The following PPP1R9A variants were observed in gnomAD, a reference collection of about 807,000 sequenced individuals.
PPP1R9A encodes the protein protein phosphatase 1 regulatory subunit 9A.
Under a neutral mutation model 141.9 loss-of-function variants are expected in PPP1R9A, and 59 were observed. The ratio of observed to expected loss-of-function variants is 0.42; its 90% CI spans 0.34 to 0.52. PPP1R9A has a LOEUF of 0.52. Ranked by LOEUF, PPP1R9A falls within the 20% of genes least tolerant of loss-of-function variation. PPP1R9A has a pLI of 0.10. For missense variants in PPP1R9A, 1,444 were observed against 1,611.9 expected, an observed-to-expected ratio of 0.90 and a Z score of 1.78; for synonymous variants, 500 against 569.7, an observed-to-expected ratio of 0.88 and a Z score of 1.74.
chr7:94,966,125 C>T (rs962722455), intron 2 of PPP1R9A, among the ~76,000 whole-genome samples: 1 of 151,236 alleles, frequency 6.6e-6, no homozygotes, highest in Non-Finnish European at 1.5e-5. Context: ...CTGTTTGTCT[C>T]TTATTGGTGT....
intron 2 of PPP1R9A, among the ~76,000 whole-genome samples, chr7:95,048,556 G>A (rs1394352468): frequency 6.6e-6 from 1 of 150,960 alleles, no homozygotes; most frequent in Non-Finnish European, 1.5e-5. Flanking sequence ...TGTTGTTGTT[G>A]TTTTGAGACA....
In PPP1R9A at chr7:95,020,041, TATCATC is replaced by T. The variant is rs71125098; in HGVS notation, c.1396-91194_1396-91189del. Among the ~76,000 whole-genome samples, 313 of 150,856 alleles carry T rather than the reference TATCATC, an allele frequency of 2.1e-3. 2 individuals are homozygous for T. The highest frequency in any genetic ancestry group is 6.9e-3 in the African/African-American group (282 of 41,120). On this transcript the variant is annotated intron_variant, in intron 2 of 19. Transcript: ENST00000433360. ...CAAAAGGAACAAATGGCTATATCAT[TATCATC>T]ATCATCATCATCATCATCATCATTG...
At chr7:94,989,414 C>T (rs1232031381) in intron 2 of PPP1R9A, among the ~76,000 whole-genome samples, 2 of 152,040 alleles carry the variant, frequency 1.3e-5, no homozygotes, top group African/African-American at 2.4e-5. Flanking sequence ...TGGGGGTAGT[C>T]AGTTGAACCT....
At chr7:95,095,273 C>T (rs1181522236) in intron 2 of PPP1R9A, among the ~76,000 whole-genome samples, 1 of 152,110 alleles carries the variant, frequency 6.6e-6, no homozygotes, top group African/African-American at 2.4e-5. Flanking sequence ...TGGATGGTTT[C>T]TGAGGCTGTG....
At chr7:95,180,076 A>C (rs1218052572) in intron 5 of PPP1R9A, among the ~76,000 whole-genome samples, 1 of 152,192 alleles carries the variant, frequency 6.6e-6, no homozygotes, top group Non-Finnish European at 1.5e-5. Context: ...AAGCAAGACT[A>C]AGCAAAAAGA....
chr7:95,189,527 C>T, intron 5 of PPP1R9A, among the ~76,000 whole-genome samples: 2 of 147,410 alleles, frequency 1.4e-5, no homozygotes, highest in Non-Finnish European at 3.0e-5. Context: ...AGCTCCGCCT[C>T]CCGGGTTCAC....
chr7:94,940,393 A>G (rs886736534), intron 2 of PPP1R9A, among the ~76,000 whole-genome samples: 10 of 151,700 alleles, frequency 6.6e-5, no homozygotes, highest in Non-Finnish European at 1.3e-4. Flanking sequence ...AACTTAGCCT[A>G]TTTCATCCAG....
In PPP1R9A at chr7:95,269,497, A is replaced by G. The variant is rs747352960; in HGVS notation, c.3114A>G (p.Leu1038=). The G allele has an allele frequency of 5.1e-6, 8 of 1,569,158 alleles. No homozygotes were observed. The highest frequency in any genetic ancestry group is 2.2e-5 in the South Asian group (2 of 89,870). ...ACCAAACCACCAACAAGAAAATATT[A>G]CGAGAAAAAGGTATTGTTAATTTCT... The part of the protein sequence containing the change: ...CHHQTTNKKI[L]REKDDAKDPK... Residue 1038 remains leucine, a synonymous_variant, in exon 14 of 20, where the codon TTA becomes TTG. Coordinates refer to ENST00000433360, the MANE Select transcript of PPP1R9A (RefSeq NM_001166160.2).
chr7:94,924,509 A>T (rs1262727635), intron 2 of PPP1R9A, among the ~76,000 whole-genome samples: 1 of 152,090 alleles, frequency 6.6e-6, no homozygotes. Flanking sequence ...TAGTTTTGAG[A>T]TGGAGTCTAA....
chr7:95,135,278 T>G (rs1252175281), intron 4 of PPP1R9A, among the ~76,000 whole-genome samples: 1 of 152,258 alleles, frequency 6.6e-6, no homozygotes, highest in African/African-American at 2.4e-5. Flanking sequence ...CCAGTAACTC[T>G]CTGTCCTTTT....
At chr7:95,021,756 G>A (rs934353763) in intron 2 of PPP1R9A, among the ~76,000 whole-genome samples, 1 of 152,050 alleles carries the variant, frequency 6.6e-6, no homozygotes, top group Middle Eastern at 3.2e-3. Flanking sequence ...TTTTTGTGAG[G>A]TTTGTCAAAG....
intron 2 of PPP1R9A, among the ~76,000 whole-genome samples, chr7:94,985,947 T>C (rs854738): frequency 2.0e-5 from 3 of 152,042 alleles, no homozygotes; most frequent in Admixed American, 6.6e-5. Flanking sequence ...GATTTGGCTG[T>C]TGGGAGGAGG....
intron 16 of PPP1R9A, among the ~76,000 whole-genome samples, chr7:95,275,790 C>T (rs1286850077): frequency 2.0e-5 from 3 of 152,058 alleles, no homozygotes; most frequent in Non-Finnish European, 4.4e-5. Flanking sequence ...GTACCTTCTT[C>T]TTGGAATTAA....
In PPP1R9A at chr7:95,120,693, C is replaced by CCTTT; in HGVS notation, c.1529-19_1529-18insCTTT. On this transcript the variant is annotated intron_variant, in intron 3 of 19. Coordinates refer to ENST00000433360, the MANE Select transcript of PPP1R9A (RefSeq NM_001166160.2). ...AAACTTAAGTTGTTTCACCTCCCCC[C>CCTTT]TTTTTTTCTTTTTAATAGATGAGGA... 1 of 1,606,478 alleles carries CCTTT rather than the reference C, an allele frequency of 6.2e-7. No homozygotes were observed. Among genetic ancestry groups the CCTTT allele is most frequent in the Non-Finnish European group, 8.5e-7 (1 of 1,176,490 alleles).
intron 5 of PPP1R9A, among the ~76,000 whole-genome samples, chr7:95,172,248 C>G (rs1162496870): frequency 5.9e-5 from 9 of 151,700 alleles, no homozygotes; most frequent in South Asian, 2.1e-4. Flanking sequence ...GAGGCCATAG[C>G]TAATTCACTG....
intron 2 of PPP1R9A, among the ~76,000 whole-genome samples, chr7:95,010,267 G>T (rs1390412478): frequency 1.3e-5 from 2 of 152,170 alleles, no homozygotes; most frequent in East Asian, 3.9e-4. Context: ...AGCTGGGCAT[G>T]GTGGCACACA....
At chr7:95,204,691 T>C (rs200646644) in intron 7 of PPP1R9A, among the ~76,000 whole-genome samples, 756 of 55,398 alleles carry the variant, frequency 0.014, no homozygotes, top group Middle Eastern at 0.064. Context: ...ACACCACACA[T>C]ACCCACACAC....
At chr7:95,189,506 G>T (rs976024950) in intron 5 of PPP1R9A, among the ~76,000 whole-genome samples, 1 of 138,846 alleles carries the variant, frequency 7.2e-6, no homozygotes, top group Non-Finnish European at 1.5e-5. Context: ...GCGGGATCTC[G>T]GCTCACTGCA....
chr7:94,939,046 C>T (rs942035650), intron 2 of PPP1R9A, among the ~76,000 whole-genome samples: 2 of 151,858 alleles, frequency 1.3e-5, no homozygotes, highest in African/African-American at 2.4e-5. Flanking sequence ...GATGCTCAGC[C>T]AGGAATTCAT....
Sources: gnomAD v4.1 joint callset for allele counts (sites outside exome capture counted in the v4.1 genomes callset) on GRCh38, gnomAD v4.1.1 for gene constraint, MANE v1.5 for transcripts, NCBI Gene and HGNC (gene_info 2026-07-23, HGNC 2026-07-21) for gene names.